NDUFC1: variants seen among roughly 807,000 people sequenced by gnomAD.
NDUFC1 encodes the protein NADH dehydrogenase [ubiquinone] 1 subunit C1, mitochondrial.
Under a neutral mutation model 11.6 loss-of-function variants are expected in NDUFC1, and 11 were observed. That is an observed-to-expected ratio of 0.95 (90% confidence interval 0.60 to 1.58). NDUFC1 has a LOEUF of 1.58. NDUFC1 is among the 40% of genes most tolerant of loss of function. The probability of loss-of-function intolerance (pLI) is 0.00; values close to 1 mark genes in which losing one functional copy is unlikely to be tolerated. For missense variants in NDUFC1, 112 were observed against 93.0 expected (o/e 1.20, Z -0.84); for synonymous variants, 52 against 42.2 (o/e 1.23, Z -0.90).
intron 5 of NDUFC1, among the ~76,000 whole-genome samples, chr4:139,290,421 A>C (rs1745163919): frequency 6.6e-6 from 1 of 150,494 alleles, no homozygotes; most frequent in Non-Finnish European, 1.5e-5. Context: ...CTGAGATTAC[A>C]GGCATGAGCC....
At chr4:139,295,170 A>C in intron 3 of NDUFC1, 24 bp from the exon 4 acceptor site, 1 of 1,587,042 alleles carries the variant, frequency 6.3e-7, no homozygotes, top group Non-Finnish European at 8.7e-7. Context: ...AGGGTCTGTA[A>C]ATTTGTAACT....
At chr4:139,292,057 T>C (rs572578716) in intron 5 of NDUFC1, among the ~76,000 whole-genome samples, 2 of 152,306 alleles carry the variant, frequency 1.3e-5, no homozygotes, top group African/African-American at 4.8e-5. Flanking sequence ...CAGGATGGTC[T>C]TGATCTCCTG....
At chr4:139,295,469 G>C (rs2110771922) in intron 3 of NDUFC1, among the ~76,000 whole-genome samples, 1 of 152,322 alleles carries the variant, frequency 6.6e-6, no homozygotes, top group East Asian at 1.9e-4. Flanking sequence ...CTAACGTACA[G>C]AGGTGGGGAA....
At chr4:139,301,202 G>T (rs1745706948) in intron 1 of NDUFC1, 1 of 237,458 alleles carries the variant, frequency 4.2e-6, no homozygotes. Context: ...CACAGTGTGC[G>T]AGACTCTTTC....
intron 1 of NDUFC1, chr4:139,301,428 G>C (rs1422194368): frequency 4.6e-6 from 2 of 434,708 alleles, no homozygotes; most frequent in Non-Finnish European, 8.2e-6. Flanking sequence ...CCCAGAGGAG[G>C]TGGGGAAAGG....
In NDUFC1 at chr4:139,295,795, C is replaced by T; in HGVS notation, c.4G>A (p.Ala2Thr). M[A>T]PSALLRPLSR... ...AGGGGACGCAGCAAGGCGGACGGCG[C>T]CATCTTGCGTGGCCCAGCTCAGTCT... The change falls in exon 3 of 6, where the codon GCG becomes ACG. Residue 2 changes from alanine (A) to threonine (T), a missense_variant. Coordinates refer to ENST00000394223, the MANE Select transcript of NDUFC1 (RefSeq NM_001184989.2). 1 of 1,545,176 alleles carries T rather than the reference C, an allele frequency of 6.5e-7. No individual in the cohort carries two copies.
chr4:139,301,765 A>G, intron 1 of NDUFC1: 1 of 1,566,046 alleles, frequency 6.4e-7, no homozygotes, highest in East Asian at 2.4e-5. Context: ...GAGCAGCGGG[A>G]GCAGCCGGAA....
chr4:139,295,139 C>A lies in NDUFC1; in HGVS notation c.75G>T (p.Val25=), dbSNP rs143217760. 100 of 1,613,958 alleles carry A rather than the reference C, an allele frequency of 6.2e-5. No homozygotes were observed. The highest frequency in any genetic ancestry group is 8.1e-5 in the Non-Finnish European group (95 of 1,179,954). ...GCTCTCGCACGTAGAACTTTGATCG[C>A]ACTGAAGCTGAAAGGGGAAGAGGGT... is the stretch of plus-strand genomic sequence containing the variant. ...APARLPSGPS[V]RSKFYVREPP... The change falls in exon 4 of 6, where the codon GTG becomes GTT. Residue 25 remains valine, a synonymous_variant. Coordinates refer to ENST00000394223, the MANE Select transcript of NDUFC1 (RefSeq NM_001184989.2).
At position 139,295,859 on chromosome 4, in the gene NDUFC1, G is replaced by C. The variant is rs189840718; in HGVS notation, c.-61C>G. The C allele has an allele frequency of 2.1e-5, 31 of 1,510,626 alleles. No individual in the cohort carries two copies. In the African/African-American group the frequency reaches 4.1e-4, roughly 20 times the overall value. The allele number at this position is 1,510,626 out of a possible 1,614,324, so 93.6% of individuals were successfully genotyped here. On this transcript the variant is annotated 5_prime_UTR_variant, in exon 3 of 6. Transcript: ENST00000394223. ...ACAGAACCAGCGCCACCTGGCGGCC[G>C]GAAGTGCGGGACTCGAGGGCTCTGC...
chr4:139,298,493 T>C (rs908027960), intron 1 of NDUFC1, among the ~76,000 whole-genome samples: 1 of 132,194 alleles, frequency 7.6e-6, no homozygotes, highest in African/African-American at 2.8e-5. Context: ...GGGGCTCACA[T>C]CTATAATCCC....
intron 1 of NDUFC1, chr4:139,301,522 T>C (rs772372412): frequency 1.4e-5 from 7 of 498,480 alleles, no homozygotes; most frequent in Non-Finnish European, 1.1e-5. Context: ...TCTGTCGGTC[T>C]GTTCAGTTAC....
rs557525276 is a variant in NDUFC1, at chr4:139,299,056, A to C, written c.-221-1613T>G. On this transcript the variant is annotated intron_variant, in intron 1 of 5. Coordinates refer to ENST00000394223, the MANE Select transcript of NDUFC1 (RefSeq NM_001184989.2). The stretch of plus-strand genomic sequence containing the variant: ...GCGATCTTGGCTCACTGCAACCTCC[A>C]CCTCCCAGGTTCAAGCGATTGTCTT... Among the ~76,000 whole-genome samples, 5 of 151,318 alleles carry C rather than the reference A, an allele frequency of 3.3e-5. No individual in the cohort carries two copies. The South Asian group carries it at 1.0e-3, about 32-fold the overall frequency.
At chr4:139,294,742 A>G (rs1437677977) in intron 4 of NDUFC1, among the ~76,000 whole-genome samples, 2 of 152,038 alleles carry the variant, frequency 1.3e-5, no homozygotes, top group African/African-American at 4.8e-5. Flanking sequence ...CTCAAAAAAA[A>G]AAAAAAAAAG....
At chr4:139,292,286 C>A (rs1745256409) in intron 5 of NDUFC1, among the ~76,000 whole-genome samples, 1 of 151,962 alleles carries the variant, frequency 6.6e-6, no homozygotes, top group Non-Finnish European at 1.5e-5. Context: ...AGGAGTGAGA[C>A]CAGCCTGGCC....
At chr4:139,296,006 T>G in intron 2 of NDUFC1, 46 bp from the exon 3 acceptor site, 1 of 525,702 alleles carries the variant, frequency 1.9e-6, no homozygotes, top group Non-Finnish European at 3.3e-6. Context: ...AAAAAAGAGT[T>G]TACCTATTCT....
At chr4:139,301,618 A>C (rs1745745648) in intron 1 of NDUFC1, 1 of 703,472 alleles carries the variant, frequency 1.4e-6, no homozygotes, top group Non-Finnish European at 2.3e-6. Flanking sequence ...AGGAAAAAGG[A>C]GGTGTCCGGG....
chr4:139,302,022 C>T (rs988668189), intron 1 of NDUFC1: 11 of 513,028 alleles, frequency 2.1e-5, no homozygotes, highest in African/African-American at 6.0e-5. Context: ...CCAGGGACCA[C>T]AGGCTTCTTC....
rs1456316737 is a variant in NDUFC1, at chr4:139,295,051, A to G, written c.163T>C (p.Trp55Arg). ...GGGAGTAAAGTACTTACATAGATCCACAAGAAGACAGTGGTGCCCAAGGTG... is the reference window on the plus strand; with the variant it reads ...GGGAGTAAAGTACTTACATAGATCCGCAAGAAGACAGTGGTGCCCAAGGTG... ...GFTLGTTVFL[W>R]IYLIKQHNED... The change falls in exon 4 of 6, where the codon TGG becomes CGG. Residue 55 changes from tryptophan (W) to arginine (R), a missense_variant. Coordinates refer to ENST00000394223, the MANE Select transcript of NDUFC1 (RefSeq NM_001184989.2). 1 of 1,613,834 alleles carries G rather than the reference A, an allele frequency of 6.2e-7. No homozygotes were observed.
rs1461862092 is a variant in NDUFC1 at position 139,292,535 on chromosome 4, T to C, written c.*15A>G. 3 of 1,462,000 alleles carry C rather than the reference T, an allele frequency of 2.1e-6. No homozygotes were observed. The highest frequency in any genetic ancestry group is 4.6e-5 in the East Asian group (2 of 43,414). The allele number at this position is 1,462,000 out of a possible 1,614,324, so 90.6% of individuals were successfully genotyped here. A position where few individuals can be genotyped will look rare whatever the true frequency, so the allele number is the denominator to read the frequency against. On this transcript the variant is annotated 3_prime_UTR_variant, in exon 5 of 6. Coordinates refer to ENST00000394223, the MANE Select transcript of NDUFC1 (RefSeq NM_001184989.2). ...CAATAAGCTTGTATACTTACTACATTAGTGTTTCAAAAGTTTATTCCAGCC... is the reference window on the plus strand; with the variant it reads ...CAATAAGCTTGTATACTTACTACATCAGTGTTTCAAAAGTTTATTCCAGCC...
Sources: gnomAD v4.1 joint callset for allele counts (sites outside exome capture counted in the v4.1 genomes callset) on GRCh38, gnomAD v4.1.1 for gene constraint, MANE v1.5 for transcripts, NCBI Gene and HGNC (gene_info 2026-07-23, HGNC 2026-07-21) for gene names.